Variants in LYN observed in about 807,000 individuals in gnomAD.
The protein encoded by LYN is tyrosine-protein kinase Lyn.
A neutral mutation model predicts 65.0 loss-of-function variants in LYN; 12 were observed. The observed-to-expected ratio is 0.18, with a 90% CI of 0.12 to 0.30. The LOEUF (loss-of-function observed/expected upper bound fraction) is 0.30, where lower values mean the gene tolerates loss of function less well. Ranked by LOEUF, LYN falls within the 10% of genes least tolerant of loss-of-function variation. The pLI, the probability that LYN is intolerant of heterozygous loss-of-function variation, is 1.00. For missense variants in LYN, 380 were observed against 623.2 expected (o/e 0.61, Z 4.16); for synonymous variants, 222 against 221.2 (o/e 1.00, Z -0.03).
rs762053359 is a variant in LYN, at chr8:56,008,125, A to AAAAATAAAT, written c.1337-1780_1337-1779insATAAATAAA. 1.1e-3 allele frequency among the ~76,000 whole-genome samples: 150 copies of AAAAATAAAT among 133,694 alleles called. 1 individual carries two copies. Among genetic ancestry groups the AAAAATAAAT allele is most frequent in the African/African-American group, 4.3e-3 (143 of 33,068 alleles). The allele number at this position is 133,694 out of a possible 152,430, so 87.7% of individuals were successfully genotyped here. On this transcript the variant is annotated intron_variant, in intron 12 of 12. Transcript: ENST00000519728. ...AAGAGGGAGACTCTGCCTCAAAAAA[A>AAAAATAAAT]AAATAAAATAAAATAAAATAAAATA...
chr8:55,900,381 AT>A (rs1444421864), intron 1 of LYN, among the ~76,000 whole-genome samples: 1 of 151,570 alleles, frequency 6.6e-6, no homozygotes, highest in African/African-American at 2.4e-5. Context: ...TTTATTTTTA[AT>A]TTTTTTTAGG....
At chr8:55,952,183 C>T in intron 7 of LYN, 68 bp downstream of exon 7, 1 of 1,301,356 alleles carries the variant, frequency 7.7e-7, no homozygotes, top group Non-Finnish European at 1.0e-6. Flanking sequence ...ACGTCAAACG[C>T]TATTTTTATA....
chr8:55,974,284 G>A (rs1807693064), intron 10 of LYN, among the ~76,000 whole-genome samples: 1 of 152,104 alleles, frequency 6.6e-6, no homozygotes, highest in African/African-American at 2.4e-5. Context: ...TCCCCGTTAT[G>A]GATTTTGACC....
intron 1 of LYN, among the ~76,000 whole-genome samples, chr8:55,924,903 G>A (rs956633994): frequency 6.6e-6 from 1 of 151,326 alleles, no homozygotes; most frequent in Non-Finnish European, 1.5e-5. Context: ...GTGCGGTGGT[G>A]CGATCGTGGC....
chr8:55,959,207 A>T (rs1563314047), intron 8 of LYN, among the ~76,000 whole-genome samples: 1 of 152,136 alleles, frequency 6.6e-6, no homozygotes, highest in Non-Finnish European at 1.5e-5. Flanking sequence ...ATGGTATCTT[A>T]CTGTGGTTTT....
intron 1 of LYN, among the ~76,000 whole-genome samples, chr8:55,916,454 T>C (rs964657336): frequency 6.6e-6 from 1 of 152,214 alleles, no homozygotes; most frequent in African/African-American, 2.4e-5. Context: ...TTTCCATACA[T>C]AATACTGCTC....
chr8:55,941,707 G>A (rs533607912), intron 1 of LYN, 148 bp from the exon 2 acceptor site: 3 of 550,532 alleles, frequency 5.4e-6, no homozygotes, highest in Non-Finnish European at 6.3e-6. Flanking sequence ...AAACCTATTT[G>A]GGAACAGTAT....
At chr8:55,985,054 G>C (rs530031399) in intron 10 of LYN, among the ~76,000 whole-genome samples, 2 of 152,258 alleles carry the variant, frequency 1.3e-5, no homozygotes, top group South Asian at 4.2e-4. Flanking sequence ...TTCAATAGTC[G>C]GGAAACACTG....
At position 55,893,501 on chromosome 8, in the gene LYN, T is replaced by C. The variant is rs543408761; in HGVS notation, c.-6+13398T>C. On this transcript the variant is annotated intron_variant, in intron 1 of 12. Coordinates refer to ENST00000519728, the MANE Select transcript of LYN (RefSeq NM_002350.4). ...TTAAGGAACACAGCACCTTTGTTAC[T>C]GACTGTTATTTCAACTTCTGTTTCA... is the stretch of plus-strand genomic sequence containing the variant. 5 of 152,374 alleles carry C rather than the reference T, an allele frequency of 3.3e-5. No individual in the cohort carries two copies. In the South Asian group the frequency reaches 1.0e-3, roughly 32 times the overall value. 9.4% of individuals were successfully genotyped at this position (152,374 alleles called of 1,614,324 possible). A position where few individuals can be genotyped will look rare whatever the true frequency, so the allele number is the denominator to read the frequency against.
chr8:56,001,877 C>T (rs941402997), intron 12 of LYN, among the ~76,000 whole-genome samples: 2 of 152,188 alleles, frequency 1.3e-5, no homozygotes, highest in Non-Finnish European at 2.9e-5. Context: ...GGGCCCCTCG[C>T]TGGTGGCAAA....
At chr8:55,988,291 G>GGTGTGTGT (rs57413136) in intron 10 of LYN, among the ~76,000 whole-genome samples, 4,290 of 142,146 alleles carry the variant, frequency 0.03, 85 homozygotes, top group African/African-American at 0.056. Flanking sequence ...CAAACTCCCT[G>GGTGTGTGT]GTGTGTGTGT....
At chr8:55,940,293 A>G (rs555246961) in intron 1 of LYN, 1 of 152,380 alleles carries the variant, frequency 6.6e-6, no homozygotes, top group African/African-American at 2.4e-5. Flanking sequence ...GTGCCCCAGA[A>G]GAGTTTCCCG....
Position 55,942,658 on chromosome 8 carries a change from G to A in LYN, c.132+667G>A, listed in dbSNP as rs368755252. Among the ~76,000 whole-genome samples, 305 of 151,178 alleles carry A rather than the reference G, an allele frequency of 2.0e-3. 2 individuals carry two copies. Among genetic ancestry groups the A allele is most frequent in the African/African-American group, 6.2e-3 (257 of 41,238 alleles). On this transcript the variant is annotated intron_variant, in intron 2 of 12. Coordinates refer to ENST00000519728, the MANE Select transcript of LYN (RefSeq NM_002350.4). ...AAATTAGCTGGGCACAGTGGCGGGC[G>A]CCTGTAATCCCAGCTACTCAGGAGG...
At chr8:55,886,372 T>C (rs1019881694) in intron 1 of LYN, among the ~76,000 whole-genome samples, 1 of 151,958 alleles carries the variant, frequency 6.6e-6, no homozygotes, top group African/African-American at 2.4e-5. Context: ...CCCGAGTAGC[T>C]GGGATTACAG....
intron 10 of LYN, among the ~76,000 whole-genome samples, chr8:55,974,430 G>C (rs1278534439): frequency 6.6e-6 from 1 of 152,204 alleles, no homozygotes; most frequent in African/African-American, 2.4e-5. Flanking sequence ...GGTAAAATGA[G>C]GAAGGTAGGA....
At chr8:55,896,680 T>C (rs1048423816) in intron 1 of LYN, among the ~76,000 whole-genome samples, 7 of 152,064 alleles carry the variant, frequency 4.6e-5, no homozygotes, top group African/African-American at 1.7e-4. Flanking sequence ...AAAAGAAACA[T>C]AGAATAAAAA....
intron 6 of LYN, among the ~76,000 whole-genome samples, chr8:55,951,409 T>C (rs1318477110): frequency 6.6e-6 from 1 of 152,016 alleles, no homozygotes; most frequent in Non-Finnish European, 1.5e-5. Flanking sequence ...CTCAGGCCTG[T>C]AATCCCAATG....
At chr8:55,989,464 G>T (rs140249274) in intron 10 of LYN, among the ~76,000 whole-genome samples, 1 of 152,168 alleles carries the variant, frequency 6.6e-6, no homozygotes, top group Admixed American at 6.5e-5. Flanking sequence ...ACACAAAACC[G>T]CAGTGCCTCA....
chr8:55,922,942 A>C (rs775626544), intron 1 of LYN, among the ~76,000 whole-genome samples: 2 of 152,124 alleles, frequency 1.3e-5, no homozygotes, highest in African/African-American at 2.4e-5. Flanking sequence ...AAAGGAGACC[A>C]ATATAGGGAA....
Sources: gnomAD v4.1 joint callset for allele counts (sites outside exome capture counted in the v4.1 genomes callset) on GRCh38, gnomAD v4.1.1 for gene constraint, MANE v1.5 for transcripts, NCBI Gene and HGNC (gene_info 2026-07-23, HGNC 2026-07-21) for gene names.